FYN: variants seen among roughly 807,000 people sequenced by gnomAD.
FYN encodes the protein tyrosine-protein kinase Fyn.
A neutral mutation model predicts 70.2 loss-of-function variants in FYN; 10 were observed. The observed-to-expected ratio is 0.14, with a 90% CI of 0.09 to 0.24. The LOEUF (loss-of-function observed/expected upper bound fraction) is 0.24. FYN is among the 10% of genes least tolerant of loss of function. The pLI is 1.00. For synonymous variants in FYN, 236 were observed against 248.6 expected (o/e 0.95, Z 0.48); for missense variants, 319 against 673.1 (o/e 0.47, Z 5.82).
chr6:111,855,999 C>T (rs946829349), intron 1 of FYN, among the ~76,000 whole-genome samples: 1 of 152,134 alleles, frequency 6.6e-6, no homozygotes, highest in African/African-American at 2.4e-5. Flanking sequence ...TAACTGGATA[C>T]ATTTATATTC....
intron 12 of FYN, among the ~76,000 whole-genome samples, chr6:111,681,037 T>C (rs930483387): frequency 1.3e-5 from 2 of 151,016 alleles, no homozygotes; most frequent in Admixed American, 6.6e-5. Context: ...ATTTAATTTT[T>C]TTTTTTTTTT....
At chr6:111,672,809 C>T (rs1317807829) in intron 13 of FYN, among the ~76,000 whole-genome samples, 1 of 152,022 alleles carries the variant, frequency 6.6e-6, no homozygotes, top group Non-Finnish European at 1.5e-5. Context: ...TGAAGCTACG[C>T]TGAATGAATG....
intron 13 of FYN, among the ~76,000 whole-genome samples, chr6:111,671,616 A>AATC (rs1798273308): frequency 6.6e-6 from 1 of 152,166 alleles, no homozygotes; most frequent in Non-Finnish European, 1.5e-5. Context: ...GCAGAATGGA[A>AATC]ATCATGACGG....
At chr6:111,852,076 C>T (rs558020360) in intron 1 of FYN, among the ~76,000 whole-genome samples, 16 of 152,268 alleles carry the variant, frequency 1.1e-4, no homozygotes, top group South Asian at 8.3e-4. Context: ...TACATGCCTC[C>T]GTTTCTCCTT....
At chr6:111,748,414 T>C (rs1290239834) in intron 3 of FYN, among the ~76,000 whole-genome samples, 1 of 152,200 alleles carries the variant, frequency 6.6e-6, no homozygotes, top group Non-Finnish European at 1.5e-5. Flanking sequence ...CTGGACCATG[T>C]TTTCAACAGA....
chr6:111,822,048 T>C (rs1418345774), intron 2 of FYN, among the ~76,000 whole-genome samples: 6 of 152,284 alleles, frequency 3.9e-5, no homozygotes, highest in Middle Eastern at 3.4e-3. Flanking sequence ...TAAACTAGTT[T>C]AACCATTGTG....
chr6:111,685,405 CAT>C (rs1798957716), intron 12 of FYN, among the ~76,000 whole-genome samples: 1 of 152,216 alleles, frequency 6.6e-6, no homozygotes, highest in Non-Finnish European at 1.5e-5. Context: ...AGAAGACAAA[CAT>C]CACTTTGGGG....
intron 2 of FYN, among the ~76,000 whole-genome samples, chr6:111,816,160 C>T (rs1304772093): frequency 1.3e-4 from 20 of 151,922 alleles, no homozygotes; most frequent in Admixed American, 1.3e-3. Context: ...TCCTTAAATG[C>T]CTCTTTGTTC....
At chr6:111,759,624 CT>C (rs900919558) in intron 3 of FYN, among the ~76,000 whole-genome samples, 1 of 152,146 alleles carries the variant, frequency 6.6e-6, no homozygotes, top group African/African-American at 2.4e-5. Context: ...CCCTTCAGGA[CT>C]TTGGTGGGCT....
intron 3 of FYN, among the ~76,000 whole-genome samples, chr6:111,764,012 T>C (rs1803110341): frequency 6.6e-6 from 1 of 152,072 alleles, no homozygotes; most frequent in Admixed American, 6.5e-5. Context: ...GAAACAAAAT[T>C]GAATTGGTCA....
intron 3 of FYN, among the ~76,000 whole-genome samples, chr6:111,760,393 GAA>G (rs1429158552): frequency 1.3e-5 from 2 of 152,274 alleles, no homozygotes; most frequent in South Asian, 2.1e-4. Context: ...CAGCTGTAGA[GAA>G]AAAGATAGGC....
intron 2 of FYN, among the ~76,000 whole-genome samples, chr6:111,843,977 A>G (rs1454928354): frequency 1.3e-5 from 2 of 152,194 alleles, no homozygotes; most frequent in Non-Finnish European, 1.5e-5. Flanking sequence ...TAAGGCACAC[A>G]AACATATTGT....
At chr6:111,685,360 G>C (rs1193364045) in intron 12 of FYN, among the ~76,000 whole-genome samples, 2 of 152,224 alleles carry the variant, frequency 1.3e-5, no homozygotes, top group African/African-American at 2.4e-5. Flanking sequence ...GTTTGACTGG[G>C]AGCTCAGAAC....
intron 12 of FYN, among the ~76,000 whole-genome samples, chr6:111,690,843 T>A (rs1338943988): frequency 1.3e-5 from 2 of 152,168 alleles, no homozygotes; most frequent in Non-Finnish European, 2.9e-5. Flanking sequence ...CAAAACCAGT[T>A]CCATCTGACT....
chr6:111,765,992 A>G (rs1395450157), intron 3 of FYN, among the ~76,000 whole-genome samples: 3 of 152,148 alleles, frequency 2.0e-5, no homozygotes. Context: ...ATGCCAGGTT[A>G]AGGTGTTTAG....
chr6:111,688,434 C>T (rs185385892), intron 12 of FYN, among the ~76,000 whole-genome samples: 16 of 152,340 alleles, frequency 1.1e-4, no homozygotes, highest in Non-Finnish European at 1.9e-4. Context: ...GAGAGCATGT[C>T]TCACAAGAGT....
At chr6:111,724,240 A>AT (rs1801087062) in intron 3 of FYN, among the ~76,000 whole-genome samples, 1 of 152,190 alleles carries the variant, frequency 6.6e-6, no homozygotes, top group African/African-American at 2.4e-5. Flanking sequence ...CATTATCAAC[A>AT]GATCACAGCC....
At chr6:111,768,853 A>G (rs182138156) in intron 3 of FYN, among the ~76,000 whole-genome samples, 1 of 152,370 alleles carries the variant, frequency 6.6e-6, no homozygotes, top group East Asian at 1.9e-4. Context: ...CTGGTTATTT[A>G]GCAGAAATAC....
chr6:111,786,050 CTTTTA>C (rs1033911633), intron 2 of FYN, among the ~76,000 whole-genome samples: 5 of 146,790 alleles, frequency 3.4e-5, no homozygotes, highest in Non-Finnish European at 7.5e-5. Flanking sequence ...GTGCCACATT[CTTTTA>C]TTTTAAATTA....
Sources: gnomAD v4.1 joint callset for allele counts (sites outside exome capture counted in the v4.1 genomes callset) on GRCh38, gnomAD v4.1.1 for gene constraint, MANE v1.5 for transcripts, NCBI Gene and HGNC (gene_info 2026-07-23, HGNC 2026-07-21) for gene names.